TRDN: variants seen among roughly 807,000 people sequenced by gnomAD.
TRDN encodes the protein triadin in skeletal muscle.
Under a neutral mutation model 149.7 loss-of-function variants are expected in TRDN, and 161 were observed. The ratio of observed to expected loss-of-function variants is 1.08; its 90% CI spans 0.95 to 1.23. The LOEUF (loss-of-function observed/expected upper bound fraction) is 1.23, where lower values mean the gene tolerates loss of function less well. Among genes scored for constraint, TRDN ranks in the 50% most tolerant of loss-of-function variants. The probability of loss-of-function intolerance (pLI) is 0.00; values close to 1 mark genes in which losing one functional copy is unlikely to be tolerated. For missense variants in TRDN, 896 were observed against 823.5 expected, an observed-to-expected ratio of 1.09 and a Z score of -1.08; for synonymous variants, 294 against 250.5, an observed-to-expected ratio of 1.17 and a Z score of -1.64.
intron 9 of TRDN, among the ~76,000 whole-genome samples, chr6:123,473,162 T>G (rs2114742602): frequency 6.6e-6 from 1 of 152,292 alleles, no homozygotes; most frequent in African/African-American, 2.4e-5. Flanking sequence ...CAGGAGGACA[T>G]TCAAACCAAA....
At chr6:123,276,070 G>A (rs1336057309) in intron 26 of TRDN, among the ~76,000 whole-genome samples, 13 of 152,060 alleles carry the variant, frequency 8.5e-5, no homozygotes, top group Non-Finnish European at 2.9e-5. Flanking sequence ...AACACTGCAC[G>A]GAGCCTCTTT....
intron 24 of TRDN, among the ~76,000 whole-genome samples, chr6:123,315,604 C>A (rs948923364): frequency 2.6e-5 from 4 of 151,828 alleles, no homozygotes; most frequent in Non-Finnish European, 5.9e-5. Flanking sequence ...TGAATGTCTG[C>A]TTTTTTGTAG....
At chr6:123,628,730 C>G (rs1028492977) in intron 1 of TRDN, among the ~76,000 whole-genome samples, 1 of 151,944 alleles carries the variant, frequency 6.6e-6, no homozygotes, top group Non-Finnish European at 1.5e-5. Flanking sequence ...ATTTTTTGCT[C>G]TTTTCTTTTT....
Position 123,330,611 on chromosome 6 carries a change from T to G in TRDN, c.1471+1268A>C, listed in dbSNP as rs569888442. 5.3e-5 allele frequency among the ~76,000 whole-genome samples: 8 copies of G among 152,222 alleles called. No individual in the cohort carries two copies. The South Asian group carries it at 1.7e-3, about 32-fold the overall frequency. ...TTTCTAAAAGAAGGCATAAGTTCCT[T>G]AATAGGTTTGAAGCTATGTTGCTTT... is the stretch of plus-strand genomic sequence containing the variant. On this transcript the variant is annotated intron_variant, in intron 23 of 40. Transcript: ENST00000334268.
chr6:123,246,405 C>T (rs1189257995), intron 38 of TRDN, among the ~76,000 whole-genome samples: 3 of 152,030 alleles, frequency 2.0e-5, no homozygotes, highest in Non-Finnish European at 4.4e-5. Context: ...GGGGATATCA[C>T]CACTGATTCC....
chr6:123,352,605 G>C lies in TRDN; in HGVS notation c.1322-19C>G. ...GGTACAGCTGCAAAACAAAGATAAGGTTTAAAGAAGAGTTCCAGACAGAAA... is the reference window on the plus strand; with the variant it reads ...GGTACAGCTGCAAAACAAAGATAAGCTTTAAAGAAGAGTTCCAGACAGAAA... On this transcript the variant is annotated intron_variant, in intron 20 of 40. Transcript: ENST00000334268. 6.2e-7 allele frequency: 1 copy of C among 1,604,910 alleles called. No homozygotes were observed. Among genetic ancestry groups the C allele is most frequent in the Non-Finnish European group, 8.5e-7 (1 of 1,175,810 alleles).
Position 123,464,925 on chromosome 6 carries a change from C to T in TRDN, c.912G>A (p.Pro304=), listed in dbSNP as rs371712079. The change falls in exon 10 of 41, where the codon CCG becomes CCA. Residue 304 remains proline, a synonymous_variant. Coordinates refer to ENST00000334268, the MANE Select transcript of TRDN (RefSeq NM_006073.4). ...LPTEQASRPT[P]ASPALEEKEG... is the part of the protein sequence containing the mutation. ...ACTTGCCTTCAAGGGCAGGTGATGC[C>T]GGAGTGGGTCTGGAAGCTTGTTCTG... 1.3e-5 allele frequency: 21 copies of T among 1,592,550 alleles called. No individual in the cohort carries two copies. Among genetic ancestry groups the T allele is most frequent in the East Asian group, 2.3e-5 (1 of 44,360 alleles).
chr6:123,595,884 G>A (rs529342362), intron 1 of TRDN, among the ~76,000 whole-genome samples: 5 of 152,034 alleles, frequency 3.3e-5, no homozygotes, highest in African/African-American at 7.2e-5. Flanking sequence ...CTCCTCAGAC[G>A]TCCCTATTCC....
At chr6:123,523,219 C>T (rs1024337424) in intron 5 of TRDN, among the ~76,000 whole-genome samples, 3 of 152,040 alleles carry the variant, frequency 2.0e-5, no homozygotes, top group Non-Finnish European at 4.4e-5. Context: ...ACAGGAAGGG[C>T]TTGATGGCTG....
chr6:123,510,123 A>G (rs1779106201), intron 7 of TRDN: 1 of 152,142 alleles, frequency 6.6e-6, no homozygotes, highest in Non-Finnish European at 1.5e-5. Flanking sequence ...AAACAGGAGA[A>G]ACAAAATAAA....
intron 14 of TRDN, among the ~76,000 whole-genome samples, chr6:123,383,629 T>C (rs765626090): frequency 4.6e-5 from 7 of 151,992 alleles, no homozygotes; most frequent in Non-Finnish European, 8.8e-5. Flanking sequence ...TATGCCACAA[T>C]GTGGAAAATA....
intron 5 of TRDN, among the ~76,000 whole-genome samples, chr6:123,527,033 A>G (rs1779984696): frequency 6.6e-6 from 1 of 152,014 alleles, no homozygotes; most frequent in South Asian, 2.1e-4. Context: ...ATGATGAAAT[A>G]AAGGCAAAGA....
Position 123,377,918 on chromosome 6 carries a change from T to C in TRDN, c.1187-20A>G. ...CCTGTTCTGAAACATATTATTATTGTTATTATTATTATCGTTATTATTCTA... is the reference window on the plus strand; with the variant it reads ...CCTGTTCTGAAACATATTATTATTGCTATTATTATTATCGTTATTATTCTA... On this transcript the variant is annotated intron_variant, in intron 16 of 40. Coordinates refer to ENST00000334268, the MANE Select transcript of TRDN (RefSeq NM_006073.4). 1 of 1,397,148 alleles carries C rather than the reference T, an allele frequency of 7.2e-7. No individual in the cohort carries two copies. Among genetic ancestry groups the C allele is most frequent in the Non-Finnish European group, 9.7e-7 (1 of 1,028,280 alleles). 86.5% of individuals were successfully genotyped at this position (1,397,148 alleles called of 1,614,324 possible).
chr6:123,427,287 T>G (rs999073634), intron 12 of TRDN, among the ~76,000 whole-genome samples: 1 of 151,802 alleles, frequency 6.6e-6, no homozygotes, highest in African/African-American at 2.4e-5. Context: ...TTTGTTTTTT[T>G]TTTTTAATAA....
chr6:123,342,135 A>T (rs967721447), intron 21 of TRDN, among the ~76,000 whole-genome samples: 1 of 151,926 alleles, frequency 6.6e-6, no homozygotes, highest in Non-Finnish European at 1.5e-5. Flanking sequence ...TAATAATCTG[A>T]CTACTAATCA....
At chr6:123,418,786 C>T (rs987220014) in intron 12 of TRDN, among the ~76,000 whole-genome samples, 1 of 152,110 alleles carries the variant, frequency 6.6e-6, no homozygotes, top group Non-Finnish European at 1.5e-5. Context: ...CAGGGTTAGA[C>T]CTCAGGTCCA....
intron 1 of TRDN, among the ~76,000 whole-genome samples, chr6:123,620,000 C>G (rs1785298041): frequency 6.6e-6 from 1 of 152,108 alleles, no homozygotes; most frequent in East Asian, 1.9e-4. Flanking sequence ...TCTTTGATTT[C>G]TTTTCCTCCA....
chr6:123,277,285 T>C (rs902212035), intron 26 of TRDN, among the ~76,000 whole-genome samples: 1 of 152,128 alleles, frequency 6.6e-6, no homozygotes, highest in Non-Finnish European at 1.5e-5. Flanking sequence ...CTTAGAACCA[T>C]GCTAGAATGG....
At chr6:123,622,942 G>C (rs1037927613) in intron 1 of TRDN, among the ~76,000 whole-genome samples, 1 of 152,082 alleles carries the variant, frequency 6.6e-6, no homozygotes, top group Non-Finnish European at 1.5e-5. Context: ...TATTTAGCTT[G>C]TGTAAAACTC....
Sources: allele counts gnomAD v4.1 joint callset (sites outside exome capture counted in the v4.1 genomes callset), GRCh38; gene constraint gnomAD v4.1.1; transcripts MANE v1.5; gene names NCBI Gene and HGNC (gene_info 2026-07-23, HGNC 2026-07-21).